Variants in SAP130 observed in about 807,000 individuals in gnomAD.
The protein encoded by SAP130 is histone deacetylase complex subunit SAP130.
Under a neutral mutation model 103.2 loss-of-function variants are expected in SAP130, and 16 were observed. The ratio of observed to expected loss-of-function variants is 0.16; its 90% CI spans 0.10 to 0.24. SAP130 has a LOEUF of 0.24. Ranked by LOEUF, SAP130 falls within the 10% of genes least tolerant of loss-of-function variation. SAP130 has a pLI of 1.00. For synonymous variants in SAP130, 477 were observed against 497.0 expected, an observed-to-expected ratio of 0.96 and a Z score of 0.53; for missense variants, 990 against 1,359.7, an observed-to-expected ratio of 0.73 and a Z score of 4.28.
At chr2:127,949,196 G>A (rs755404767) in intron 18 of SAP130, among the ~76,000 whole-genome samples, 1 of 152,182 alleles carries the variant, frequency 6.6e-6, no homozygotes, top group Non-Finnish European at 1.5e-5. Flanking sequence ...TGGGATTTAT[G>A]TAAGAGAATG....
intron 7 of SAP130, among the ~76,000 whole-genome samples, chr2:128,007,651 A>T (rs1326783347): frequency 3.3e-5 from 5 of 152,244 alleles, no homozygotes; most frequent in Non-Finnish European, 7.3e-5. Context: ...TATTGAAGAG[A>T]GAACAAAGGA....
Position 127,977,731 on chromosome 2 carries a change from T to C in SAP130, c.2063+254A>G, listed in dbSNP as rs530779685. ...GCGTTCAGGTCATGCAGCTAGAAAG[T>C]GCATATAAGTTGGGAGTGGTGGCAC... On this transcript the variant is annotated intron_variant, in intron 15 of 20. Transcript: ENST00000643581. Among the ~76,000 whole-genome samples the C allele has an allele frequency of 2.6e-5, 4 of 152,134 alleles. No homozygotes were observed. The East Asian group carries it at 7.7e-4, about 29-fold the overall frequency.
intron 2 of SAP130, among the ~76,000 whole-genome samples, chr2:128,023,643 G>A (rs891342889): frequency 1.3e-5 from 2 of 152,068 alleles, no homozygotes; most frequent in African/African-American, 2.4e-5. Context: ...AGCCGGGCAC[G>A]GTGGTGGGCG....
At chr2:127,982,441 A>G (rs1401197946) in intron 14 of SAP130, among the ~76,000 whole-genome samples, 1 of 152,174 alleles carries the variant, frequency 6.6e-6, no homozygotes, top group Non-Finnish European at 1.5e-5. Context: ...TGCCACCGTA[A>G]GTATTATAGA....
chr2:128,027,416 G>A (rs1452035981), intron 1 of SAP130: 5 of 1,071,474 alleles, frequency 4.7e-6, no homozygotes, highest in Non-Finnish European at 5.7e-6. Context: ...CCCTCCCGCC[G>A]ACTGCCAGCC....
rs1207665698 is a variant in SAP130 at position 127,942,355 on chromosome 2, GAGA to G, written c.3015+66_3015+68del. ...ATATGAGGGAGACGGGGGGAAACGG[GAGA>G]AGTAGGGCTTTACAGAAAGCAACTT... On this transcript the variant is annotated intron_variant, in intron 20 of 20. Coordinates refer to ENST00000643581, the MANE Select transcript of SAP130 (RefSeq NM_001330301.2). This position sits in a 1 kb window ranked among gnomAD's most constrained non-coding sequence, Gnocchi z 4.8. 8.3e-6 allele frequency: 10 copies of G among 1,199,910 alleles called. No individual in the cohort carries two copies. The highest frequency in any genetic ancestry group is 9.9e-6 in the Non-Finnish European group (8 of 808,386). The allele number at this position is 1,199,910 out of a possible 1,614,324, so 74.3% of individuals were successfully genotyped here.
In SAP130 at chr2:127,989,464, G is replaced by T; in HGVS notation, c.1780+100C>A. 9.2e-7 allele frequency: 1 copy of T among 1,092,014 alleles called. No individual in the cohort carries two copies. The highest frequency in any genetic ancestry group is 1.3e-6 in the Non-Finnish European group (1 of 765,408). 67.6% of individuals were successfully genotyped at this position (1,092,014 alleles called of 1,614,324 possible). ...ATTAATACAAAGAAGAAAAGGCCTA[G>T]AGAAATTATAAGACGACAAAGCCAG... is the stretch of plus-strand genomic sequence containing the variant. On this transcript the variant is annotated intron_variant, in intron 13 of 20. Coordinates refer to ENST00000643581, the MANE Select transcript of SAP130 (RefSeq NM_001330301.2). The surrounding 1 kb of genome is among the most constrained non-coding windows in gnomAD (Gnocchi z 4.6).
At chr2:128,023,072 C>A (rs1685262660) in intron 2 of SAP130, among the ~76,000 whole-genome samples, 1 of 151,766 alleles carries the variant, frequency 6.6e-6, no homozygotes, top group Non-Finnish European at 1.5e-5. Context: ...TGGCTCACTG[C>A]AAGCTCTGCC....
At chr2:128,002,544 A>T (rs908151793) in intron 7 of SAP130, among the ~76,000 whole-genome samples, 21 of 151,954 alleles carry the variant, frequency 1.4e-4, no homozygotes, top group African/African-American at 1.9e-4. Flanking sequence ...AATAAATAAA[A>T]AAATAAAGAG....
At chr2:128,025,062 C>T (rs1222550950) in intron 2 of SAP130, among the ~76,000 whole-genome samples, 5 of 146,430 alleles carry the variant, frequency 3.4e-5, no homozygotes, top group Non-Finnish European at 4.5e-5. Context: ...ACAGTGGTAT[C>T]ATTTACCATA....
chr2:128,005,678 G>A (rs1471695493), intron 7 of SAP130, among the ~76,000 whole-genome samples: 14 of 148,652 alleles, frequency 9.4e-5, no homozygotes, highest in East Asian at 7.9e-4. Context: ...ACAGTGTCTC[G>A]CTCTGTTGCC....
chr2:127,945,241 T>A (rs890580803), intron 19 of SAP130, among the ~76,000 whole-genome samples: 1 of 152,230 alleles, frequency 6.6e-6, no homozygotes, highest in Non-Finnish European at 1.5e-5. Flanking sequence ...GTTCCATATA[T>A]TTTGGATCTG....
In SAP130 at chr2:127,996,816, C is replaced by T. The variant is rs539686415; in HGVS notation, c.1214-325G>A. 6.6e-6 allele frequency among the ~76,000 whole-genome samples: 1 copy of T among 152,186 alleles called. No individual in the cohort carries two copies. The highest frequency in any genetic ancestry group is 6.5e-5 in the Admixed American group (1 of 15,286). ...TCTGTCATCTCAGCACTGTGGGAGG[C>T]TGAGGCGGGAGGATCACTTGAGTTC... On this transcript the variant is annotated intron_variant, in intron 10 of 20. Transcript: ENST00000643581. The surrounding 1 kb of genome is among the most constrained non-coding windows in gnomAD (Gnocchi z 4.3).
chr2:127,972,298 CTTTGTTTTGA>C (rs1311485760), intron 15 of SAP130, among the ~76,000 whole-genome samples: 1 of 152,192 alleles, frequency 6.6e-6, no homozygotes, highest in Non-Finnish European at 1.5e-5. Context: ...CCATATGAGA[CTTTGTTTTGA>C]AAAAGACAAA....
At chr2:127,985,764 C>T (rs1472400752) in intron 14 of SAP130, among the ~76,000 whole-genome samples, 1 of 151,964 alleles carries the variant, frequency 6.6e-6, no homozygotes, top group Non-Finnish European at 1.5e-5. Flanking sequence ...CCCCAGACCA[C>T]CCTGGCCTGC....
intron 7 of SAP130, among the ~76,000 whole-genome samples, chr2:128,002,085 C>A (rs1683602776): frequency 6.6e-6 from 1 of 152,090 alleles, no homozygotes; most frequent in Non-Finnish European, 1.5e-5. Context: ...TGCCACAATG[C>A]CTGGCTAATT....
At position 128,017,820 on chromosome 2, in the gene SAP130, C is replaced by A; in HGVS notation, c.208G>T (p.Val70Phe). The A allele has an allele frequency of 6.2e-7, 1 of 1,614,254 alleles. No individual in the cohort carries two copies. Among genetic ancestry groups the A allele is most frequent in the Non-Finnish European group, 8.5e-7 (1 of 1,180,044 alleles). Residue 70 changes from valine (V) to phenylalanine (F), a missense_variant, in exon 3 of 21, where the codon GTT (valine) becomes TTT (phenylalanine). Val to Phe is a conservative substitution (Grantham distance 50). Transcript: ENST00000643581. ...LQSREEKQEP[V>F]VVRPYPQVQM... is the part of the protein sequence containing the mutation. The stretch of plus-strand genomic sequence containing the variant: ...ACCTGTGGATAGGGCCTTACCACAA[C>A]AGGCTCTTGCTTCTCCTCCCGGGAC...
chr2:127,961,321 T>TA (rs397985846), intron 15 of SAP130, among the ~76,000 whole-genome samples: 4 of 150,514 alleles, frequency 2.7e-5, no homozygotes, highest in Admixed American at 6.6e-5. Context: ...TTTTTTTTTT[T>TA]AATTTTAGTA....
chr2:127,962,310 T>C (rs1680312050), intron 15 of SAP130, among the ~76,000 whole-genome samples: 1 of 152,232 alleles, frequency 6.6e-6, no homozygotes, highest in African/African-American at 2.4e-5. Context: ...CTTCTTGACC[T>C]GTGAACTACT....
Sources: allele counts gnomAD v4.1 joint callset (sites outside exome capture counted in the v4.1 genomes callset), GRCh38; gene constraint gnomAD v4.1.1; non-coding constraint Gnocchi (gnomAD v3.1); transcripts MANE v1.5; gene names NCBI Gene and HGNC (gene_info 2026-07-23, HGNC 2026-07-21).